Variants in DDX60 observed in about 807,000 individuals in gnomAD.
DDX60 encodes DExD/H-box helicase 60, also known as probable ATP-dependent RNA helicase DDX60.
DDX60 carries 165 observed loss-of-function variants against 212.8 expected under a neutral mutation model. The observed-to-expected ratio is 0.78, with a 90% confidence interval of 0.68 to 0.88. DDX60 has a LOEUF of 0.88. Among genes scored for constraint, DDX60 ranks in the 40% least tolerant of loss-of-function variants. DDX60 has a pLI of 0.00. For missense variants in DDX60, 1,905 were observed against 2,003.9 expected (o/e 0.95, Z 0.94); for synonymous variants, 703 against 685.3 (o/e 1.03, Z -0.40).
intron 2 of DDX60, 88 bp downstream of exon 2, chr4:168,311,168 A>G (rs1737117352): frequency 6.7e-7 from 1 of 1,496,036 alleles, no homozygotes; most frequent in Non-Finnish European, 9.3e-7. Context: ...GTAAAACAGT[A>G]ATGTGGTTAT....
intron 33 of DDX60, among the ~76,000 whole-genome samples, chr4:168,233,717 G>A (rs781317641): frequency 1.6e-4 from 24 of 152,220 alleles, no homozygotes; most frequent in Non-Finnish European, 2.9e-4. Flanking sequence ...AGGAAAAGGT[G>A]TGAGGGGTGA....
chr4:168,229,998 A>G (rs148585329), intron 33 of DDX60, among the ~76,000 whole-genome samples: 1 of 152,128 alleles, frequency 6.6e-6, no homozygotes, highest in Non-Finnish European at 1.5e-5. Context: ...ATAAGGACTC[A>G]CATAAATTTA....
chr4:168,291,677 T>C (rs567107278), intron 8 of DDX60, 71 bp downstream of exon 8: 2 of 1,402,384 alleles, frequency 1.4e-6, no homozygotes, highest in Admixed American at 5.0e-5. Flanking sequence ...TAAGAGAATT[T>C]TGAAAGTTAT....
At position 168,268,909 on chromosome 4, in the gene DDX60, G is replaced by GGAT; in HGVS notation, c.2728_2730dup (p.Ile910dup). 1 of 1,594,568 alleles carries GGAT rather than the reference G, an allele frequency of 6.3e-7. No homozygotes were observed. The highest frequency in any genetic ancestry group is 8.6e-7 in the Non-Finnish European group (1 of 1,167,702). The stretch of plus-strand genomic sequence containing the variant: ...GCTGAAAGAGCCAAAAAGGGACATC[G>GGAT]GATCATGACAAGGAGATGTTCCCAG... On this transcript the variant is annotated inframe_insertion, in exon 20 of 38. Coordinates refer to ENST00000393743, the MANE Select transcript of DDX60 (RefSeq NM_017631.6).
chr4:168,283,407 G>T (rs1445508489), intron 13 of DDX60, 39 bp downstream of exon 13: 3 of 1,592,982 alleles, frequency 1.9e-6, no homozygotes, highest in Non-Finnish European at 2.6e-6. Context: ...TAAAAGAAAA[G>T]GAAAATTTTT....
Position 168,285,456 on chromosome 4 carries a change from G to A in DDX60, c.1382C>T (p.Thr461Met), listed in dbSNP as rs149798722. The A allele has an allele frequency of 4.2e-5, 67 of 1,610,148 alleles. No individual in the cohort carries two copies. Among genetic ancestry groups the A allele is most frequent in the Middle Eastern group, 3.3e-4 (2 of 6,072 alleles). Residue 461 changes from threonine (T) to methionine (M), a missense_variant, in exon 11 of 38, where the codon ACG (threonine) becomes ATG (methionine). Transcript: ENST00000393743. ...AAATTTATCAACCACAAAAGATGAC[G>A]TTGGAATAAAACCCAAATTGGGCAC... ...EMVPNLGFIP[T>M]SSFVVDKFAG...
At chr4:168,250,014 A>C (rs886459779) in intron 28 of DDX60, among the ~76,000 whole-genome samples, 5 of 152,192 alleles carry the variant, frequency 3.3e-5, no homozygotes, top group Admixed American at 3.3e-4. Context: ...GAATATTACT[A>C]AAGATCCAAA....
intron 33 of DDX60, among the ~76,000 whole-genome samples, chr4:168,233,907 C>A (rs1266297329): frequency 6.6e-6 from 1 of 151,970 alleles, no homozygotes; most frequent in Admixed American, 6.6e-5. Context: ...GGAAAAGTAT[C>A]TTTGATATAA....
At position 168,216,862 on chromosome 4, in the gene DDX60, A is replaced by T; in HGVS notation, c.*71T>A. On this transcript the variant is annotated 3_prime_UTR_variant, in exon 38 of 38. Coordinates refer to ENST00000393743, the MANE Select transcript of DDX60 (RefSeq NM_017631.6). ...TCATAATGTATTTCTGGCAAGAAGCATAAGAATCAAAAACGTGACCTGAAA... is the reference window on the plus strand; with the variant it reads ...TCATAATGTATTTCTGGCAAGAAGCTTAAGAATCAAAAACGTGACCTGAAA... 1.1e-6 allele frequency: 1 copy of T among 904,684 alleles called. No homozygotes were observed. Among genetic ancestry groups the T allele is most frequent in the Non-Finnish European group, 1.7e-6 (1 of 585,032 alleles). 56.0% of individuals were successfully genotyped at this position (904,684 alleles called of 1,614,324 possible). A position where few individuals can be genotyped will look rare whatever the true frequency, so the allele number is the denominator to read the frequency against.
chr4:168,296,455 TTGAG>T (rs1736347335), intron 6 of DDX60, among the ~76,000 whole-genome samples: 1 of 152,002 alleles, frequency 6.6e-6, no homozygotes, highest in African/African-American at 2.4e-5. Flanking sequence ...AAAGAAGAAT[TTGAG>T]GGCTCTGCAA....
At chr4:168,323,242 G>T (rs143167926), upstream of DDX60, among the ~76,000 whole-genome samples, 1 of 152,320 alleles carries the variant, frequency 6.6e-6, no homozygotes, top group Non-Finnish European at 1.5e-5. Flanking sequence ...ATTTGACCAG[G>T]AGGGAGAGGA....
chr4:168,220,474 G>T, intron 37 of DDX60, 181 bp downstream of exon 37: 1 of 461,784 alleles, frequency 2.2e-6, no homozygotes, highest in Non-Finnish European at 3.9e-6. Context: ...TTCTGTTATA[G>T]AAATAATACA....
Position 168,216,930 on chromosome 4 carries a change from T to C in DDX60, c.*3A>G, listed in dbSNP as rs754615127. ...TTTTAAGTGGTTTGCATAGACTTTG[T>C]TTTTAGACTTTGTTTAACTTTTCCC... On this transcript the variant is annotated 3_prime_UTR_variant, in exon 38 of 38. Coordinates refer to ENST00000393743, the MANE Select transcript of DDX60 (RefSeq NM_017631.6). 5.7e-6 allele frequency: 9 copies of C among 1,586,724 alleles called. No homozygotes were observed. Among genetic ancestry groups the C allele is most frequent in the Non-Finnish European group, 7.7e-6 (9 of 1,166,720 alleles).
rs147938217 is a variant in DDX60, at chr4:168,273,970, G to A, written c.2418C>T (p.Ser806=). The change falls in exon 17 of 38, where the codon AGC becomes AGT. Residue 806 remains serine, a synonymous_variant. Transcript: ENST00000393743. ...YYCMEKVLKE[S]DDGVVVYVAP... Reference sequence around the variant, plus strand: ...CAACGTACACGACCACCCCGTCGTCGCTCTCCTTCAGCACTTTCTCCATAC... The same window carrying A: ...CAACGTACACGACCACCCCGTCGTCACTCTCCTTCAGCACTTTCTCCATAC... The A allele has an allele frequency of 8.7e-6, 14 of 1,614,050 alleles. No homozygotes were observed. The East Asian group carries it at 2.0e-4, about 23-fold the overall frequency.
chr4:168,325,292 T>G, the DDX60 span, among the ~76,000 whole-genome samples: 1 of 152,252 alleles, frequency 6.6e-6, no homozygotes, highest in Non-Finnish European at 1.5e-5. Context: ...TCAATGCTAC[T>G]TATTTCTCCA....
intron 33 of DDX60, among the ~76,000 whole-genome samples, chr4:168,233,104 AAAAATGC>A (rs1351818260): frequency 6.6e-6 from 1 of 152,166 alleles, no homozygotes; most frequent in Admixed American, 6.6e-5. Context: ...AACATATGAA[AAAAATGC>A]TTAACATTAC....
At chr4:168,325,914 C>T in the DDX60 span, among the ~76,000 whole-genome samples, 2 of 152,232 alleles carry the variant, frequency 1.3e-5, no homozygotes, top group African/African-American at 4.8e-5. Flanking sequence ...CCACGTCTTT[C>T]CACATTAGAC....
chr4:168,308,278 T>A (rs956975265), intron 3 of DDX60, 83 bp from the exon 4 acceptor site: 10 of 780,420 alleles, frequency 1.3e-5, no homozygotes, highest in Middle Eastern at 7.8e-4. Context: ...TAGCTCATTA[T>A]CATTATCATC....
chr4:168,308,211 G>A lies in DDX60; in HGVS notation c.75-16C>T, dbSNP rs1320677780. On this transcript the variant is annotated splice_polypyrimidine_tract_variant and intron_variant, in intron 3 of 37. Transcript: ENST00000393743. The stretch of plus-strand genomic sequence containing the variant: ...ACTGGAATATCTAAAATGAAAAACA[G>A]TTAAAACAAAAATCACATATGCATT... The A allele has an allele frequency of 4.1e-6, 6 of 1,456,180 alleles. No individual in the cohort carries two copies. In the Middle Eastern group the frequency reaches 5.6e-4, roughly 136 times the overall value. 90.2% of individuals were successfully genotyped at this position (1,456,180 alleles called of 1,614,324 possible).
Sources: gnomAD v4.1 joint callset for allele counts (sites outside exome capture counted in the v4.1 genomes callset) on GRCh38, gnomAD v4.1.1 for gene constraint, MANE v1.5 for transcripts, NCBI Gene and HGNC (gene_info 2026-07-23, HGNC 2026-07-21) for gene names.